Variants in SLC7A8 observed in about 807,000 individuals in gnomAD.
The protein encoded by SLC7A8 is solute carrier family 7 member 8, also known as large neutral amino acids transporter small subunit 2.
In SLC7A8, 30 loss-of-function variants were observed where a neutral mutation model predicts 51.2. The observed-to-expected ratio is 0.59, with a 90% CI of 0.44 to 0.80. SLC7A8 has a LOEUF of 0.80. Among genes scored for constraint, SLC7A8 ranks in the 30% least tolerant of loss-of-function variants. SLC7A8 has a pLI of 0.00. For missense variants in SLC7A8, 612 were observed against 674.4 expected, an observed-to-expected ratio of 0.91 and a Z score of 1.03; for synonymous variants, 257 against 275.8, an observed-to-expected ratio of 0.93 and a Z score of 0.67.
intron 1 of SLC7A8, among the ~76,000 whole-genome samples, chr14:23,173,195 A>G (rs539529161): frequency 6.6e-6 from 1 of 152,340 alleles, no homozygotes; most frequent in East Asian, 1.9e-4. Context: ...ACTGTGTGGA[A>G]AGGGAAGACA....
chr14:23,159,914 C>A (rs2048912912), intron 3 of SLC7A8, among the ~76,000 whole-genome samples: 1 of 152,132 alleles, frequency 6.6e-6, no homozygotes, highest in African/African-American at 2.4e-5. Context: ...TTGAGAGATG[C>A]ATACAGGATA....
Position 23,182,885 on chromosome 14 carries a change from GTT to G in SLC7A8, c.28_29del (p.Asn10HisfsTer85), listed in dbSNP as rs1877248487. 6.2e-7 allele frequency: 1 copy of G among 1,614,040 alleles called. No individual in the cohort carries two copies. Among genetic ancestry groups the G allele is most frequent in the African/African-American group, 1.3e-5 (1 of 74,924 alleles). The part of the protein sequence containing the change: MEEGARHRN[N>X]TEKKHPGGGE... ...CCCCACCTGGGTGTTTCTTTTCGGT[GTT>G]GTTTCGGTGCCTGGCTCCTTCTTCC... On this transcript the variant is annotated frameshift_variant, in exon 1 of 11. Coordinates refer to ENST00000316902, the MANE Select transcript of SLC7A8 (RefSeq NM_012244.4). LOFTEE classifies it high-confidence loss of function.
In SLC7A8 at chr14:23,131,625, T is replaced by C. The variant is rs2048634556; in HGVS notation, c.1017-68A>G. 3 of 1,275,818 alleles carry C rather than the reference T, an allele frequency of 2.4e-6. No individual in the cohort carries two copies. The East Asian group carries it at 8.1e-5, about 34-fold the overall frequency. The allele number at this position is 1,275,818 out of a possible 1,614,324, so 79.0% of individuals were successfully genotyped here. ...CCACCAAGCCCCAGCTCCTTCATCC[T>C]TGCCTACCTTCTGCCCACACAGGGG... is the stretch of plus-strand genomic sequence containing the variant. On this transcript the variant is annotated intron_variant, in intron 7 of 10. Coordinates refer to ENST00000316902, the MANE Select transcript of SLC7A8 (RefSeq NM_012244.4).
chr14:23,135,282 G>A (rs1256793859), intron 7 of SLC7A8, among the ~76,000 whole-genome samples: 1 of 151,516 alleles, frequency 6.6e-6, no homozygotes, highest in African/African-American at 2.4e-5. Context: ...GTAGAGGTGG[G>A]GTTTCATTAT....
chr14:23,182,973 T>A lies in SLC7A8; in HGVS notation c.-59A>T, dbSNP rs1222627552. 5 of 1,607,372 alleles carry A rather than the reference T, an allele frequency of 3.1e-6. No individual in the cohort carries two copies. In the South Asian group the frequency reaches 5.5e-5, roughly 18 times the overall value. Reference sequence around the variant, plus strand: ...CTCCCTTTCTAAATGCGTATTCGTGTAAATATATTGGGAGAGAGCTTTGAA... The same window carrying A: ...CTCCCTTTCTAAATGCGTATTCGTGAAAATATATTGGGAGAGAGCTTTGAA... On this transcript the variant is annotated 5_prime_UTR_variant, in exon 1 of 11. Transcript: ENST00000316902.
chr14:23,169,392 T>TA, intron 1 of SLC7A8, among the ~76,000 whole-genome samples: 1 of 152,138 alleles, frequency 6.6e-6, no homozygotes, highest in African/African-American at 2.4e-5. Context: ...AGATAAAAGC[T>TA]AAAAAAATAT....
intron 3 of SLC7A8, among the ~76,000 whole-genome samples, chr14:23,153,440 C>A (rs2048864720): frequency 6.6e-6 from 1 of 152,158 alleles, no homozygotes; most frequent in Non-Finnish European, 1.5e-5. Context: ...CACATCATCT[C>A]TCCTCCTGCT....
At chr14:23,160,367 C>T (rs1205414773) in intron 3 of SLC7A8, among the ~76,000 whole-genome samples, 1 of 152,040 alleles carries the variant, frequency 6.6e-6, no homozygotes, top group Non-Finnish European at 1.5e-5. Flanking sequence ...GTCAGGAGAT[C>T]GAGACCATTC....
At chr14:23,156,392 A>G (rs1306157116) in intron 3 of SLC7A8, 1 of 152,190 alleles carries the variant, frequency 6.6e-6, no homozygotes, top group African/African-American at 2.4e-5. Context: ...CAATTTTAGT[A>G]TATGTGCCGC....
At position 23,127,305 on chromosome 14, in the gene SLC7A8, C is replaced by A. The variant is rs146795841; in HGVS notation, c.1480G>T (p.Val494Leu). 3 of 1,614,000 alleles carry A rather than the reference C, an allele frequency of 1.9e-6. No individual in the cohort carries two copies. Among genetic ancestry groups the A allele is most frequent in the Non-Finnish European group, 8.5e-7 (1 of 1,179,980 alleles). ...GAGCCCCGCTCCACCTCGGGGTACACGACCACACACATCTTCTGGCTCACC... is the reference window on the plus strand; with the variant it reads ...GAGCCCCGCTCCACCTCGGGGTACAAGACCACACACATCTTCTGGCTCACC... ...TLVSQKMCVVVYPEVERGSGT... is the reference protein window; with the variant it reads ...TLVSQKMCVVLYPEVERGSGT... The change falls in exon 11 of 11, where the codon GTG (valine) becomes TTG (leucine). Residue 494 changes from valine (V) to leucine (L), a missense_variant. Val to Leu is a conservative substitution (Grantham distance 32). Transcript: ENST00000316902.
chr14:23,128,272 T>C lies in SLC7A8; in HGVS notation c.1264-76A>G. On this transcript the variant is annotated intron_variant, in intron 9 of 10. Transcript: ENST00000316902. This position sits in a 1 kb window ranked among gnomAD's most constrained non-coding sequence, Gnocchi z 4.3. ...CAGGACTAGGGACTGGGGCATTCTC[T>C]CTCTTCTTCACCCACAGAGACACAT... is the stretch of plus-strand genomic sequence containing the variant. 1 of 1,583,422 alleles carries C rather than the reference T, an allele frequency of 6.3e-7. No individual in the cohort carries two copies. The highest frequency in any genetic ancestry group is 8.6e-7 in the Non-Finnish European group (1 of 1,165,244).
rs377370388 is a variant in SLC7A8 at position 23,135,864 on chromosome 14, T to C, written c.1016+2057A>G. 3.9e-4 allele frequency among the ~76,000 whole-genome samples: 59 copies of C among 152,344 alleles called. No homozygotes were observed. In the East Asian group the frequency reaches 8.9e-3, roughly 23 times the overall value. ...GTAGCTTGAAAATATGTACATCTAT[T>C]ATATACATATGAATATGAAACTTGA... On this transcript the variant is annotated intron_variant, in intron 7 of 10. Transcript: ENST00000316902.
intron 1 of SLC7A8, among the ~76,000 whole-genome samples, chr14:23,179,362 C>A (rs887643298): frequency 2.0e-5 from 3 of 152,168 alleles, no homozygotes; most frequent in African/African-American, 4.8e-5. Flanking sequence ...TCCATAACAC[C>A]TACCATTCTG....
At chr14:23,167,818 T>C (rs2048957511) in intron 1 of SLC7A8, among the ~76,000 whole-genome samples, 1 of 152,060 alleles carries the variant, frequency 6.6e-6, no homozygotes, top group South Asian at 2.1e-4. Flanking sequence ...TCTAAGGACA[T>C]CTCAAGCCTC....
At chr14:23,161,819 T>A (rs565732738) in intron 3 of SLC7A8, among the ~76,000 whole-genome samples, 7,873 of 148,942 alleles carry the variant, frequency 0.053, 724 homozygotes, top group African/African-American at 0.18. Context: ...CCCAGCAACC[T>A]GGAAGGCTGA....
chr14:23,161,314 G>T (rs1319434506), intron 3 of SLC7A8, among the ~76,000 whole-genome samples: 1 of 151,880 alleles, frequency 6.6e-6, no homozygotes, highest in African/African-American at 2.4e-5. Context: ...TTACCACACA[G>T]GCTCTCCCTG....
Position 23,131,470 on chromosome 14 carries a change from C to G in SLC7A8, c.1104G>C (p.Leu368=). Residue 368 remains leucine (L), a synonymous_variant, in exon 8 of 11, where the codon CTG becomes CTC. Transcript: ENST00000316902. The stretch of plus-strand genomic sequence containing the variant: ...CAGGAAGGGCCCTTACTGTGAAGAG[C>G]AGGGCTGGGATTGGGGTGCAGCGCT... The part of the protein sequence containing the change: ...HVKRCTPIPA[L]LFTCISTLLM... 6.2e-7 allele frequency: 1 copy of G among 1,600,784 alleles called. No homozygotes were observed. Among genetic ancestry groups the G allele is most frequent in the Non-Finnish European group, 8.5e-7 (1 of 1,173,800 alleles).
intron 5 of SLC7A8, among the ~76,000 whole-genome samples, 193 bp downstream of exon 5, chr14:23,140,278 C>T (rs185627626): frequency 1.1e-4 from 16 of 152,296 alleles, no homozygotes; most frequent in African/African-American, 3.8e-4. Flanking sequence ...TGGATCCTTT[C>T]CTCCTCCTGG....
At position 23,126,771 on chromosome 14, in the gene SLC7A8, G is replaced by A. The variant is rs1026416118; in HGVS notation, c.*406C>T. The A allele has an allele frequency of 4.3e-6, 1 of 233,884 alleles. No individual in the cohort carries two copies. The highest frequency in any genetic ancestry group is 5.0e-5 in the Admixed American group (1 of 19,894). 14.5% of individuals were successfully genotyped at this position (233,884 alleles called of 1,614,324 possible). A position where few individuals can be genotyped will look rare whatever the true frequency, so the allele number is the denominator to read the frequency against. ...CCCCTTGATGGGGACAGAATTGCTT[G>A]AGCCTGTCCCCCCACAATGCAGCTC... is the stretch of plus-strand genomic sequence containing the variant. On this transcript the variant is annotated 3_prime_UTR_variant, in exon 11 of 11. Coordinates refer to ENST00000316902, the MANE Select transcript of SLC7A8 (RefSeq NM_012244.4).
Sources: gnomAD v4.1 joint callset for allele counts (sites outside exome capture counted in the v4.1 genomes callset) on GRCh38, gnomAD v4.1.1 for gene constraint, Gnocchi (gnomAD v3.1) non-coding constraint, MANE v1.5 for transcripts, NCBI Gene and HGNC (gene_info 2026-07-23, HGNC 2026-07-21) for gene names.